The following CDYL2 variants were observed in gnomAD, a reference collection of about 807,000 sequenced individuals.
The protein encoded by CDYL2 is chromodomain Y like 2, also known as chromodomain Y-like protein 2.
In CDYL2, 23 loss-of-function variants were observed where a neutral mutation model predicts 49.4. The ratio of observed to expected loss-of-function variants is 0.47; its 90% CI spans 0.34 to 0.66. The LOEUF (loss-of-function observed/expected upper bound fraction) is 0.66. Among genes scored for constraint, CDYL2 ranks in the 30% least tolerant of loss-of-function variants. The pLI, the probability that CDYL2 is intolerant of heterozygous loss-of-function variation, is 0.01. For synonymous variants in CDYL2, 360 were observed against 268.8 expected (o/e 1.34, Z -3.32); for missense variants, 678 against 656.4 (o/e 1.03, Z -0.36).
At chr16:80,609,682 A>T (rs931642846) in intron 5 of CDYL2, among the ~76,000 whole-genome samples, 6 of 152,182 alleles carry the variant, frequency 3.9e-5, no homozygotes, top group Admixed American at 1.3e-4. Context: ...GGTGTGAGTT[A>T]CAAGGCGAGG....
chr16:80,708,620 T>A (rs899719148), intron 1 of CDYL2, among the ~76,000 whole-genome samples: 10 of 152,174 alleles, frequency 6.6e-5, no homozygotes, highest in Non-Finnish European at 1.5e-4. Context: ...AGGATTTCTG[T>A]CAAGGAGAAA....
At chr16:80,616,688 G>A (rs1008398338) in intron 4 of CDYL2, among the ~76,000 whole-genome samples, 6 of 152,116 alleles carry the variant, frequency 3.9e-5, no homozygotes, top group South Asian at 2.1e-4. Context: ...TAGTCCAGGC[G>A]CCCACTCCCT....
chr16:80,670,887 G>A (rs1156549719), intron 2 of CDYL2: 2 of 455,952 alleles, frequency 4.4e-6, no homozygotes, highest in Non-Finnish European at 8.8e-6. Flanking sequence ...GGTTGCGCAC[G>A]AGGAAGATAA....
chr16:80,625,755 G>A (rs1209112443), intron 3 of CDYL2, among the ~76,000 whole-genome samples: 1 of 152,106 alleles, frequency 6.6e-6, no homozygotes, highest in Admixed American at 6.6e-5. Flanking sequence ...TTAACCGGAG[G>A]CAAATTCTAC....
In CDYL2 at chr16:80,728,755, G is replaced by A. The variant is rs189340472; in HGVS notation, c.25-43626C>T. Among the ~76,000 whole-genome samples the A allele has an allele frequency of 2.8e-3, 427 of 152,210 alleles. 2 individuals carry two copies. Among genetic ancestry groups the A allele is most frequent in the Middle Eastern group, 0.01 (3 of 294 alleles). ...CAGACTAACAGCGAGCGGATCTCTC[G>A]GCAGAAACTCTACAAGCCAGAAGAG... On this transcript the variant is annotated intron_variant, in intron 1 of 6. Coordinates refer to ENST00000570137, the MANE Select transcript of CDYL2 (RefSeq NM_152342.4).
intron 2 of CDYL2, among the ~76,000 whole-genome samples, chr16:80,661,668 G>A (rs901071806): frequency 3.5e-4 from 53 of 152,140 alleles, no homozygotes; most frequent in African/African-American, 1.1e-3. Context: ...TGGCTCTGAT[G>A]GATGTTCTGC....
intron 6 of CDYL2, among the ~76,000 whole-genome samples, chr16:80,606,915 C>A (rs1906363188): frequency 6.6e-6 from 1 of 152,170 alleles, no homozygotes; most frequent in Non-Finnish European, 1.5e-5. Flanking sequence ...GTGAGGCCTC[C>A]CCAGCCACAT....
rs546671218 is a variant in CDYL2 at position 80,777,055 on chromosome 16, C to G, written c.24+27095G>C. ...CAGGCTGGTCTCGACCTCCTAAGCT[C>G]AGGCAATCCGTCCGCCTTGGCCTCC... On this transcript the variant is annotated intron_variant, in intron 1 of 6. Coordinates refer to ENST00000570137, the MANE Select transcript of CDYL2 (RefSeq NM_152342.4). Among the ~76,000 whole-genome samples the G allele has an allele frequency of 1.4e-3, 218 of 152,184 alleles. 3 individuals carry two copies. Among genetic ancestry groups the G allele is most frequent in the African/African-American group, 5.1e-3 (210 of 41,506 alleles).
chr16:80,679,596 C>T (rs936972099), intron 2 of CDYL2: 1 of 414,480 alleles, frequency 2.4e-6, no homozygotes, highest in Non-Finnish European at 4.8e-6. Context: ...AACTCCAAGG[C>T]CTCATCTCAG....
At chr16:80,698,046 C>T in intron 1 of CDYL2, among the ~76,000 whole-genome samples, 1 of 151,814 alleles carries the variant, frequency 6.6e-6, no homozygotes. Flanking sequence ...AAAAAAAAAT[C>T]CTAAAATTCA....
chr16:80,707,923 C>T (rs1001381786), intron 1 of CDYL2, among the ~76,000 whole-genome samples: 7 of 152,136 alleles, frequency 4.6e-5, no homozygotes, highest in African/African-American at 1.7e-4. Context: ...GTTTTTTTCT[C>T]TCCAGTAGGG....
chr16:80,702,582 T>C (rs1904308076), intron 1 of CDYL2, among the ~76,000 whole-genome samples: 1 of 152,090 alleles, frequency 6.6e-6, no homozygotes. Context: ...ACAACCCATC[T>C]CTACAAAAAA....
intron 1 of CDYL2, among the ~76,000 whole-genome samples, chr16:80,761,186 T>G (rs1906515949): frequency 6.6e-6 from 1 of 152,158 alleles, no homozygotes; most frequent in Non-Finnish European, 1.5e-5. Flanking sequence ...ACTCAGCAGG[T>G]GAAGCCCAGC....
chr16:80,742,299 C>T (rs1262223373), intron 1 of CDYL2: 2 of 152,184 alleles, frequency 1.3e-5, no homozygotes, highest in Non-Finnish European at 2.9e-5. Context: ...AAACACATTC[C>T]AGAATATTCA....
At chr16:80,634,225 A>T (rs1037048255) in intron 2 of CDYL2, among the ~76,000 whole-genome samples, 1 of 152,250 alleles carries the variant, frequency 6.6e-6, no homozygotes, top group Non-Finnish European at 1.5e-5. Flanking sequence ...TATTCACAAT[A>T]GCTCACACTT....
chr16:80,724,378 G>A (rs1905099570), intron 1 of CDYL2, among the ~76,000 whole-genome samples: 1 of 152,130 alleles, frequency 6.6e-6, no homozygotes, highest in Non-Finnish European at 1.5e-5. Flanking sequence ...AATTATTTCT[G>A]TCTTAGCATT....
intron 1 of CDYL2, among the ~76,000 whole-genome samples, chr16:80,775,721 A>C (rs1907060736): frequency 6.6e-6 from 1 of 152,030 alleles, no homozygotes; most frequent in Middle Eastern, 3.4e-3. Context: ...AAACCTAACA[A>C]ATACATCTAG....
At chr16:80,728,886 C>T (rs975933491) in intron 1 of CDYL2, among the ~76,000 whole-genome samples, 2 of 151,394 alleles carry the variant, frequency 1.3e-5, no homozygotes, top group African/African-American at 2.4e-5. Context: ...AAATACTTTA[C>T]AGACAAGCAA....
At chr16:80,727,269 G>A (rs1213699030) in intron 1 of CDYL2, among the ~76,000 whole-genome samples, 5 of 152,226 alleles carry the variant, frequency 3.3e-5, no homozygotes, top group Admixed American at 6.5e-5. Context: ...GCAGGGCGAG[G>A]CATTGCCTCA....
Sources: gnomAD v4.1 joint callset for allele counts (sites outside exome capture counted in the v4.1 genomes callset) on GRCh38, gnomAD v4.1.1 for gene constraint, MANE v1.5 for transcripts, NCBI Gene and HGNC (gene_info 2026-07-23, HGNC 2026-07-21) for gene names.